The following TNPO3 variants were observed in gnomAD, a reference collection of about 807,000 sequenced individuals.
The protein encoded by TNPO3 is transportin-3.
TNPO3 carries 65 observed loss-of-function variants against 122.8 expected under a neutral mutation model. The observed-to-expected ratio is 0.53, with a 90% CI of 0.43 to 0.65. The LOEUF is 0.65. Among genes scored for constraint, TNPO3 ranks in the 30% least tolerant of loss-of-function variants. TNPO3 has a pLI of 0.00. For missense variants in TNPO3, 850 were observed against 1,136.7 expected (o/e 0.75, Z 3.63); for synonymous variants, 372 against 411.2 (o/e 0.90, Z 1.15).
intron 10 of TNPO3, among the ~76,000 whole-genome samples, chr7:128,990,755 C>T (rs1800661379): frequency 6.6e-6 from 1 of 152,200 alleles, no homozygotes. Context: ...GTTCCCTCTC[C>T]TCCCTCTGTC....
Position 129,015,154 on chromosome 7 carries a change from G to T in TNPO3, c.396-19C>A, listed in dbSNP as rs182115682. The T allele has an allele frequency of 6.2e-7, 1 of 1,601,392 alleles. No homozygotes were observed. The highest frequency in any genetic ancestry group is 1.3e-5 in the African/African-American group (1 of 74,166). On this transcript the variant is annotated intron_variant, in intron 3 of 22. Transcript: ENST00000265388. Reference sequence around the variant, plus strand: ...GCTGTATCTGCAAAAGAAAAAAGTGGAGATATGTTATTTATAGCCAGAAAA... The same window carrying T: ...GCTGTATCTGCAAAAGAAAAAAGTGTAGATATGTTATTTATAGCCAGAAAA...
chr7:128,958,137 C>CTTTTCTT (rs1797080974), intron 21 of TNPO3, among the ~76,000 whole-genome samples: 1 of 96,202 alleles, frequency 1.0e-5, no homozygotes, highest in Non-Finnish European at 1.9e-5. Flanking sequence ...GAAGCACTTC[C>CTTTTCTT]TTTTTTTTTT....
At chr7:128,976,017 C>T in intron 16 of TNPO3, 82 bp from the exon 17 acceptor site, 1 of 956,962 alleles carries the variant, frequency 1.0e-6, no homozygotes, top group Non-Finnish European at 1.7e-6. Flanking sequence ...GGAAGAAATT[C>T]AGAGATAGAT....
intron 18 of TNPO3, among the ~76,000 whole-genome samples, chr7:128,973,200 T>C (rs1462809701): frequency 6.6e-6 from 1 of 152,198 alleles, no homozygotes; most frequent in African/African-American, 2.4e-5. Flanking sequence ...GTTCCCAGGA[T>C]GTCAACAGGA....
Position 128,997,496 on chromosome 7 carries a change from C to A in TNPO3, c.1051G>T (p.Glu351Ter). The A allele has an allele frequency of 6.2e-7, 1 of 1,613,770 alleles. No homozygotes were observed. Among genetic ancestry groups the A allele is most frequent in the Non-Finnish European group, 8.5e-7 (1 of 1,179,752 alleles). ...ISFNFWYRLGEHLYKTNDEVI... is the reference protein window; with the variant it reads ...ISFNFWYRLG ...TCATCGTTAGTTTTGTACAAATGTT[C>A]CCCCAGTCGGTACCAAAAGTTAAAT... The change falls in exon 8 of 23, where the codon GAA becomes TAA. Residue 351 changes from glutamate to a stop codon, truncating the protein, a stop_gained. Coordinates refer to ENST00000265388, the MANE Select transcript of TNPO3 (RefSeq NM_012470.4). LOFTEE classifies it high-confidence loss of function.
Position 128,986,891 on chromosome 7 carries a change from G to C in TNPO3, c.1528C>G (p.Leu510Val). 2 of 1,613,282 alleles carry C rather than the reference G, an allele frequency of 1.2e-6. No individual in the cohort carries two copies. The highest frequency in any genetic ancestry group is 1.7e-6 in the Non-Finnish European group (2 of 1,179,812). The change falls in exon 12 of 23, where the codon CTG becomes GTG. Residue 510 changes from leucine (L) to valine (V), a missense_variant. Coordinates refer to ENST00000265388, the MANE Select transcript of TNPO3 (RefSeq NM_012470.4). ...DPVLGYLMKG[L>V]CEKPLASAAA... ...GCAGAAGCCAGGGGCTTTTCACACAGGCCTTTCATCAAATAGCCCAACACA... is the reference window on the plus strand; with the variant it reads ...GCAGAAGCCAGGGGCTTTTCACACACGCCTTTCATCAAATAGCCCAACACA...
At chr7:128,982,182 T>C in intron 14 of TNPO3, 66 bp downstream of exon 14, 2 of 1,393,382 alleles carry the variant, frequency 1.4e-6, no homozygotes, top group Non-Finnish European at 2.0e-6. Flanking sequence ...ACTTGCTTAC[T>C]TCAATATACA....
intron 8 of TNPO3, 67 bp downstream of exon 8, chr7:128,997,322 T>C (rs1230861805): frequency 8.3e-6 from 13 of 1,566,530 alleles, no homozygotes; most frequent in Non-Finnish European, 1.1e-5. Flanking sequence ...TCTTCTCAGT[T>C]CCTTTTCAAG....
intron 1 of TNPO3, chr7:129,029,823 C>G (rs1250161603): frequency 6.6e-6 from 1 of 152,058 alleles, no homozygotes; most frequent in African/African-American, 2.4e-5. Flanking sequence ...GAGATCAAGA[C>G]CATCCTGGCT....
intron 1 of TNPO3, among the ~76,000 whole-genome samples, chr7:129,035,273 C>CA (rs1176304813): frequency 2.0e-5 from 3 of 152,054 alleles, no homozygotes; most frequent in Admixed American, 6.6e-5. Context: ...GACTCCGTCT[C>CA]AAAACAACAA....
intron 1 of TNPO3, among the ~76,000 whole-genome samples, chr7:129,037,219 T>C (rs1806791278): frequency 6.6e-6 from 1 of 152,144 alleles, no homozygotes; most frequent in South Asian, 2.1e-4. Context: ...AGATATATAA[T>C]GACAGAAACA....
In TNPO3 at chr7:129,038,215, G is replaced by C. The variant is rs148639571; in HGVS notation, c.120+16436C>G. On this transcript the variant is annotated intron_variant, in intron 1 of 22. Coordinates refer to ENST00000265388, the MANE Select transcript of TNPO3 (RefSeq NM_012470.4). ...ATGCCAGAAGACATGGAGAGGTAGA[G>C]CTAAAAAATGGGAAGAAAAAAAGGA... Among the ~76,000 whole-genome samples the C allele has an allele frequency of 7.0e-4, 106 of 152,220 alleles. 1 individual carries two copies. The East Asian group carries it at 0.015, about 22-fold the overall frequency.
At chr7:128,964,991 C>T (rs1218499931) in intron 21 of TNPO3, among the ~76,000 whole-genome samples, 1 of 152,106 alleles carries the variant, frequency 6.6e-6, no homozygotes, top group Non-Finnish European at 1.5e-5. Context: ...AAAACTCTTA[C>T]AAGAAAACCT....
In TNPO3 at chr7:129,014,851, C is replaced by G. The variant is rs1300556137; in HGVS notation, c.552+128G>C. ...AGTATGTTGTCATGGTAAGGTGTTA[C>G]ATAAATACCAAAGCATCATCATTAA... On this transcript the variant is annotated intron_variant, in intron 4 of 22. Coordinates refer to ENST00000265388, the MANE Select transcript of TNPO3 (RefSeq NM_012470.4). The G allele has an allele frequency of 6.9e-6, 6 of 873,974 alleles. No homozygotes were observed. In the African/African-American group the frequency reaches 1.0e-4, roughly 15 times the overall value. The allele number at this position is 873,974 out of a possible 1,614,324, so 54.1% of individuals were successfully genotyped here.
intron 1 of TNPO3, among the ~76,000 whole-genome samples, chr7:129,042,720 AG>A (rs1380674969): frequency 6.6e-6 from 1 of 152,116 alleles, no homozygotes; most frequent in Non-Finnish European, 1.5e-5. Flanking sequence ...AAATAAACTG[AG>A]GGGCACATAA....
chr7:129,042,854 C>T (rs1807552957), intron 1 of TNPO3, among the ~76,000 whole-genome samples: 1 of 109,932 alleles, frequency 9.1e-6, no homozygotes, highest in South Asian at 4.0e-4. Context: ...GATAAAACAA[C>T]TCCCATCCTC....
At chr7:129,036,488 G>A (rs1563110730) in intron 1 of TNPO3, among the ~76,000 whole-genome samples, 1 of 152,088 alleles carries the variant, frequency 6.6e-6, no homozygotes, top group Non-Finnish European at 1.5e-5. Flanking sequence ...TCCTAGATTA[G>A]AGAAAATAAA....
chr7:129,037,589 G>A (rs1417464368), intron 1 of TNPO3, among the ~76,000 whole-genome samples: 1 of 152,178 alleles, frequency 6.6e-6, no homozygotes, highest in Non-Finnish European at 1.5e-5. Flanking sequence ...AAGACTGGGG[G>A]TAGGGCAGAA....
chr7:129,052,928 T>C (rs1401808223), intron 1 of TNPO3, among the ~76,000 whole-genome samples: 2 of 152,182 alleles, frequency 1.3e-5, no homozygotes, highest in Non-Finnish European at 2.9e-5. Flanking sequence ...AAACACTAAA[T>C]GAGACCATAT....
Sources: allele counts gnomAD v4.1 joint callset (sites outside exome capture counted in the v4.1 genomes callset), GRCh38; gene constraint gnomAD v4.1.1; transcripts MANE v1.5; gene names NCBI Gene and HGNC (gene_info 2026-07-23, HGNC 2026-07-21).